Variants in DNAH17 observed in about 807,000 individuals in gnomAD.
DNAH17 encodes the protein dynein axonemal heavy chain 17, also known as axonemal beta dynein heavy chain 17.
DNAH17 carries 376 observed loss-of-function variants against 485.6 expected under a neutral mutation model. That is an observed-to-expected ratio of 0.77 (90% CI 0.71 to 0.84). DNAH17 has a LOEUF of 0.84. Ranked by LOEUF, DNAH17 falls within the 40% of genes least tolerant of loss-of-function variation. The pLI is 0.00. For missense variants in DNAH17, 6,370 were observed against 5,839.3 expected (o/e 1.09, Z -2.96); for synonymous variants, 3,031 against 2,405.9 (o/e 1.26, Z -7.60).
intron 31 of DNAH17, among the ~76,000 whole-genome samples, chr17:78,504,337 T>C (rs2090412455): frequency 6.6e-6 from 1 of 152,068 alleles, no homozygotes; most frequent in Non-Finnish European, 1.5e-5. Context: ...AGTGCTGGGA[T>C]TATTGGCATG....
In DNAH17 at chr17:78,434,192, A is replaced by G; in HGVS notation, c.12062T>C (p.Met4021Thr). 6.2e-7 allele frequency: 1 copy of G among 1,612,832 alleles called. No individual in the cohort carries two copies. Among genetic ancestry groups the G allele is most frequent in the Admixed American group, 1.7e-5 (1 of 59,970 alleles). ...QDTLEMCTKE[M>T]EFKCMLFALC... The stretch of plus-strand genomic sequence containing the variant: ...GGCGAAGAGCATGCACTTGAACTCC[A>G]TCTCCTTGGTGCACATCTCCAGGGT... The change falls in exon 75 of 81, where the codon ATG (methionine) becomes ACG (threonine). Residue 4021 changes from methionine to threonine, a missense_variant. Physicochemically the swap from Met to Thr is moderately conservative, Grantham distance 81 (BLOSUM62 -1). Coordinates refer to ENST00000389840, the MANE Select transcript of DNAH17 (RefSeq NM_173628.4).
chr17:78,428,984 A>G, intron 76 of DNAH17, 137 bp downstream of exon 76: 1 of 869,444 alleles, frequency 1.2e-6, no homozygotes, highest in African/African-American at 1.7e-5. Context: ...TCCAAGTGAG[A>G]CGCATTTCTC....
chr17:78,450,434 G>T (rs757124561), intron 67 of DNAH17, 40 bp from the exon 68 acceptor site: 1 of 1,609,636 alleles, frequency 6.2e-7, no homozygotes, highest in Non-Finnish European at 8.5e-7. Flanking sequence ...CACAGCAGAT[G>T]GGCAGTGCCA....
Position 78,537,392 on chromosome 17 carries a change from G to C in DNAH17, c.2766C>G (p.Arg922=). 1 of 1,613,076 alleles carries C rather than the reference G, an allele frequency of 6.2e-7. No individual in the cohort carries two copies. The highest frequency in any genetic ancestry group is 8.5e-7 in the Non-Finnish European group (1 of 1,179,726). Residue 922 remains arginine (R), a synonymous_variant, in exon 19 of 81, where the codon CGC becomes CGG. Coordinates refer to ENST00000389840, the MANE Select transcript of DNAH17 (RefSeq NM_173628.4). ...GGCCCTCGATCAGTGCCAGGAAGCC[G>C]CGATCTGAGCCCACCTCCAGGGTCG... ...FNPTLEVGSD[R]GFLALIEGLV...
intron 56 of DNAH17, among the ~76,000 whole-genome samples, chr17:78,466,134 C>T (rs1458643591): frequency 1.3e-5 from 2 of 152,228 alleles, no homozygotes; most frequent in African/African-American, 2.4e-5. Context: ...ACCTTACCCC[C>T]AGCCCTGTGC....
chr17:78,429,412 C>A (rs1256367938), intron 75 of DNAH17, 112 bp from the exon 76 acceptor site: 3 of 1,172,540 alleles, frequency 2.6e-6, no homozygotes, highest in African/African-American at 3.0e-5. Flanking sequence ...GGTGCTGTGT[C>A]CTTCTCGCCC....
At chr17:78,460,042 C>G in intron 59 of DNAH17, 41 bp from the exon 60 acceptor site, 1 of 1,608,070 alleles carries the variant, frequency 6.2e-7, no homozygotes, top group African/African-American at 1.3e-5. Context: ...GGAGTTTGGA[C>G]CGGGTCCTCG....
intron 73 of DNAH17, among the ~76,000 whole-genome samples, chr17:78,438,438 A>AGGAGGGG (rs2086932309): frequency 1.3e-5 from 1 of 75,006 alleles, no homozygotes; most frequent in Non-Finnish European, 2.5e-5. Context: ...GAGGAGGAGG[A>AGGAGGGG]GGAGGAGGGA....
At chr17:78,464,403 G>A (rs937290715) in intron 56 of DNAH17, among the ~76,000 whole-genome samples, 1 of 152,166 alleles carries the variant, frequency 6.6e-6, no homozygotes, top group Admixed American at 6.6e-5. Flanking sequence ...AGGATTACAG[G>A]CATGCACCAC....
intron 1 of DNAH17, among the ~76,000 whole-genome samples, chr17:78,576,004 C>T (rs2092428036): frequency 6.6e-6 from 1 of 152,220 alleles, no homozygotes; most frequent in Non-Finnish European, 1.5e-5. Flanking sequence ...GCTGTGTTTT[C>T]ATCACAATCT....
At chr17:78,470,248 G>A (rs1394832052) in intron 54 of DNAH17, among the ~76,000 whole-genome samples, 13 of 150,566 alleles carry the variant, frequency 8.6e-5, no homozygotes, top group Non-Finnish European at 1.8e-4. Flanking sequence ...TTGTATTTTT[G>A]GTAGAGACAG....
chr17:78,570,625 C>T lies in DNAH17; in HGVS notation c.919-253G>A, dbSNP rs554139150. On this transcript the variant is annotated intron_variant, in intron 6 of 80. Coordinates refer to ENST00000389840, the MANE Select transcript of DNAH17 (RefSeq NM_173628.4). ...CTGTAATCCCAGCACTTTGGGAGGC[C>T]GAGGTGGGCGGATCATGAGGTCAGG... Among the ~76,000 whole-genome samples the T allele has an allele frequency of 2.4e-4, 37 of 152,008 alleles. 1 individual carries two copies. Among genetic ancestry groups the T allele is most frequent in the African/African-American group, 7.2e-4 (30 of 41,460 alleles).
intron 54 of DNAH17, among the ~76,000 whole-genome samples, chr17:78,474,553 G>A (rs760311258): frequency 6.6e-6 from 1 of 152,238 alleles, no homozygotes; most frequent in Non-Finnish European, 1.5e-5. Context: ...GTAGTCTGGA[G>A]AGAATAGGTA....
chr17:78,563,976 G>C (rs1450300656), intron 11 of DNAH17, among the ~76,000 whole-genome samples: 1 of 151,746 alleles, frequency 6.6e-6, no homozygotes, highest in African/African-American at 2.4e-5. Flanking sequence ...TTTTTAAAAA[G>C]AGATCTTTCT....
chr17:78,503,523 G>A (rs759907923), intron 31 of DNAH17, among the ~76,000 whole-genome samples: 8 of 151,878 alleles, frequency 5.3e-5, no homozygotes, highest in Non-Finnish European at 1.2e-4. Context: ...ATCTCGCTCT[G>A]CTGCCCCGGC....
chr17:78,423,842 G>A lies in DNAH17; in HGVS notation c.*64C>T. 2 of 1,587,792 alleles carry A rather than the reference G, an allele frequency of 1.3e-6. No individual in the cohort carries two copies. Among genetic ancestry groups the A allele is most frequent in the South Asian group, 1.1e-5 (1 of 88,540 alleles). On this transcript the variant is annotated 3_prime_UTR_variant, in exon 81 of 81. Coordinates refer to ENST00000389840, the MANE Select transcript of DNAH17 (RefSeq NM_173628.4). ...TTCCTGTAAAGAATAAGTCACAGGT[G>A]CACAGGTGAAGGGCTGAGTTGTGGT...
chr17:78,494,632 A>G lies in DNAH17; in HGVS notation c.6231T>C (p.Ala2077=), dbSNP rs769920601. 2 of 1,613,828 alleles carry G rather than the reference A, an allele frequency of 1.2e-6. No individual in the cohort carries two copies. Among genetic ancestry groups the G allele is most frequent in the South Asian group, 2.2e-5 (2 of 91,068 alleles). ...FMGLIGDLFP[A]LDVPRKRDLN... is the part of the protein sequence containing the mutation. ...GGTCCCGTTTCCGAGGCACGTCCAG[A>G]GCCGGGAAGAGGTCCCCGATCAGTC... Residue 2077 remains alanine (A), a synonymous_variant, in exon 40 of 81, where the codon GCT becomes GCC. Transcript: ENST00000389840.
rs185277039 is a variant in DNAH17, at chr17:78,529,353, C to A, written c.3507+119G>T. The A allele has an allele frequency of 4.5e-4, 447 of 993,440 alleles. No homozygotes were observed. The African/African-American group carries it at 6.5e-3, about 14-fold the overall frequency. 61.5% of individuals were successfully genotyped at this position (993,440 alleles called of 1,614,324 possible). A position where few individuals can be genotyped will look rare whatever the true frequency, so the allele number is the denominator to read the frequency against. ...TCCCTGTTCCATGGGGATCTGATGTCCAGAGAGGATCTAGCCCACAGCATC... is the reference window on the plus strand; with the variant it reads ...TCCCTGTTCCATGGGGATCTGATGTACAGAGAGGATCTAGCCCACAGCATC... On this transcript the variant is annotated intron_variant, in intron 22 of 80. Transcript: ENST00000389840.
At chr17:78,462,508 T>G (rs2088185434) in intron 57 of DNAH17, among the ~76,000 whole-genome samples, 1 of 152,164 alleles carries the variant, frequency 6.6e-6, no homozygotes, top group Non-Finnish European at 1.5e-5. Context: ...CCCCATGGTA[T>G]GAATGGTATT....
Sources: allele counts gnomAD v4.1 joint callset (sites outside exome capture counted in the v4.1 genomes callset), GRCh38; gene constraint gnomAD v4.1.1; transcripts MANE v1.5; gene names NCBI Gene and HGNC (gene_info 2026-07-23, HGNC 2026-07-21).